The following NT5C1B variants were observed in gnomAD, a reference collection of about 807,000 sequenced individuals.
NT5C1B encodes the protein 5'-nucleotidase, cytosolic IB.
A neutral mutation model predicts 57.8 loss-of-function variants in NT5C1B; 44 were observed. The ratio of observed to expected loss-of-function variants is 0.76; its 90% CI spans 0.60 to 0.98. The LOEUF (loss-of-function observed/expected upper bound fraction) is 0.98, where lower values mean the gene tolerates loss of function less well. NT5C1B is among the 50% of genes least tolerant of loss of function. The probability of loss-of-function intolerance (pLI) is 0.00; values close to 1 mark genes in which losing one functional copy is unlikely to be tolerated. For missense variants in NT5C1B, 742 were observed against 719.5 expected (o/e 1.03, Z -0.36); for synonymous variants, 284 against 282.6 (o/e 1.00, Z -0.05).
chr2:18,584,670 G>A lies in NT5C1B; in HGVS notation c.567C>T (p.Arg189=), dbSNP rs953856391. The change falls in exon 4 of 9, where the codon CGC becomes CGT. Residue 189 remains arginine (R), a synonymous_variant. Transcript: ENST00000304081. The surrounding 1 kb of genome is among the most constrained non-coding windows in gnomAD (Gnocchi z 5.8). Reference sequence around the variant, plus strand: ...GGGTGGAGGCGGGGTAGATCCCCCTGCGCTGGCTGGAGGACTTCCACTCGG... The same window carrying A: ...GGGTGGAGGCGGGGTAGATCCCCCTACGCTGGCTGGAGGACTTCCACTCGG... 7 of 1,612,550 alleles carry A rather than the reference G, an allele frequency of 4.3e-6. No individual in the cohort carries two copies. The highest frequency in any genetic ancestry group is 1.1e-5 in the South Asian group (1 of 90,880).
At position 18,584,860 on chromosome 2, in the gene NT5C1B, G is replaced by T; in HGVS notation, c.377C>A (p.Pro126His). ...GGGAGGCCGCGAGTCCAGCGACCGG[G>T]GCAGCTGGGGCGACGCGGGTGGCTG... The change falls in exon 4 of 9, where the codon CCC becomes CAC. Residue 126 changes from proline to histidine, a missense_variant. Pro to His is a moderately conservative substitution (Grantham distance 77). Coordinates refer to ENST00000304081, the Ensembl canonical transcript of NT5C1B. This position sits in a 1 kb window ranked among gnomAD's most constrained non-coding sequence, Gnocchi z 5.8. The T allele has an allele frequency of 6.2e-7, 1 of 1,602,926 alleles. No homozygotes were observed. The highest frequency in any genetic ancestry group is 1.1e-5 in the South Asian group (1 of 90,414).
At position 18,584,743 on chromosome 2, in the gene NT5C1B, C is replaced by T. The variant is rs563389452; in HGVS notation, c.494G>A (p.Arg165His). The T allele has an allele frequency of 2.5e-6, 4 of 1,613,304 alleles. No homozygotes were observed. The highest frequency in any genetic ancestry group is 2.2e-5 in the East Asian group (1 of 44,844). ...CAGCGGCTGCGAGTCCCGGGTCTGG[C>T]GGATTTCCCGCACGATGCCTTGGGC... Residue 165 changes from arginine (R) to histidine (H), a missense_variant, in exon 4 of 9, where the codon CGC (arginine) becomes CAC (histidine). Arg to His is a conservative substitution (Grantham distance 29). Coordinates refer to ENST00000304081, the Ensembl canonical transcript of NT5C1B. This position sits in a 1 kb window ranked among gnomAD's most constrained non-coding sequence, Gnocchi z 5.8.
Position 18,584,538 on chromosome 2 carries a change from GTTC to G in NT5C1B, c.696_698del (p.Lys232del). 1.2e-6 allele frequency: 2 copies of G among 1,611,910 alleles called. No individual in the cohort carries two copies. Among genetic ancestry groups the G allele is most frequent in the South Asian group, 1.1e-5 (1 of 90,726 alleles). On this transcript the variant is annotated inframe_deletion, in exon 4 of 9. Transcript: ENST00000304081. The surrounding 1 kb of genome is among the most constrained non-coding windows in gnomAD (Gnocchi z 5.8). Reference sequence around the variant, plus strand: ...CCGGCCAGGGGCGCGAGCAGCTCGGGTTCTTCTCGTAGAACGACCTCATGGATG... The same window carrying G: ...CCGGCCAGGGGCGCGAGCAGCTCGGGTTCTCGTAGAACGACCTCATGGATG...
intron 6 of NT5C1B, among the ~76,000 whole-genome samples, chr2:18,577,381 G>A (rs770107091): frequency 4.8e-4 from 62 of 129,410 alleles, no homozygotes; most frequent in Non-Finnish European, 7.4e-4. Context: ...TCGAGATCGC[G>A]CCACTGCACT....
chr2:18,584,186 T>G lies in NT5C1B; in HGVS notation c.793A>C (p.Lys265Gln). 3 of 1,614,194 alleles carry G rather than the reference T, an allele frequency of 1.9e-6. No individual in the cohort carries two copies. In the Admixed American group the frequency reaches 5.0e-5, roughly 27 times the overall value. ...TCCAGACCCTCTTGCTCGTAGATTT[T>G]CCTGCCGTCCACCATGTTGAAGAGC... is the stretch of plus-strand genomic sequence containing the variant. Residue 265 changes from lysine to glutamine, a missense_variant, in exon 5 of 9, where the codon AAA (lysine) becomes CAA (glutamine). Transcript: ENST00000304081. This position sits in a 1 kb window ranked among gnomAD's most constrained non-coding sequence, Gnocchi z 5.8.
At position 18,584,001 on chromosome 2, in the gene NT5C1B, G is replaced by C. The variant is rs1479966010; in HGVS notation, c.891+87C>G. ...ACAAGGGTGGGCTAGGAATGATCTG[G>C]GAAATTGGATGCCCTCCCAAGGGTT... On this transcript the variant is annotated intron_variant, in intron 5 of 8. Coordinates refer to ENST00000304081, the Ensembl canonical transcript of NT5C1B. The surrounding 1 kb of genome is among the most constrained non-coding windows in gnomAD (Gnocchi z 5.8). 5 of 1,610,640 alleles carry C rather than the reference G, an allele frequency of 3.1e-6. No individual in the cohort carries two copies. The highest frequency in any genetic ancestry group is 4.5e-5 in the East Asian group (2 of 44,838).
rs1233128130 is a variant in NT5C1B at position 18,584,177 on chromosome 2, C to T, written c.802G>A (p.Glu268Lys). The T allele has an allele frequency of 6.2e-6, 10 of 1,613,984 alleles. No individual in the cohort carries two copies. Among genetic ancestry groups the T allele is most frequent in the Non-Finnish European group, 8.5e-6 (10 of 1,180,038 alleles). Residue 268 changes from glutamate to lysine, a missense_variant, in exon 5 of 9, where the codon GAG becomes AAG. By Grantham distance (56) the Glu-to-Lys change is moderately conservative. Transcript: ENST00000304081. The surrounding 1 kb of genome is among the most constrained non-coding windows in gnomAD (Gnocchi z 5.8). ...ATGTACTTTTCCAGACCCTCTTGCT[C>T]GTAGATTTTCCTGCCGTCCACCATG...
chr2:18,588,355 G>C (rs1485412920), intron 1 of NT5C1B, among the ~76,000 whole-genome samples: 1 of 152,166 alleles, frequency 6.6e-6, no homozygotes, highest in Non-Finnish European at 1.5e-5. Flanking sequence ...TATGTTTAAG[G>C]AGCACAACTT....
chr2:18,587,555 T>C, exon 2 of NT5C1B: 1 of 1,613,960 alleles, frequency 6.2e-7, no homozygotes, highest in Non-Finnish European at 8.5e-7. Context: ...TTTTTCTGCT[T>C]CTAGACTCTC....
At chr2:18,563,489 A>C (rs573358078) in exon 9 of NT5C1B, 1 of 215,826 alleles carries the variant, frequency 4.6e-6, no homozygotes, top group South Asian at 1.6e-4. Flanking sequence ...AAAACTAAGT[A>C]AGCTTCTAAA....
Position 18,563,786 on chromosome 2 carries a change from C to T in NT5C1B, c.*10G>A, listed in dbSNP as rs774658746. ...CCAGACTATCACCACTTTATTTCTC[C>T]TCCCTGCCCCTAACTACTGAATTTT... is the stretch of plus-strand genomic sequence containing the variant. On this transcript the variant is annotated 3_prime_UTR_variant, in exon 9 of 9. Coordinates refer to ENST00000304081, the Ensembl canonical transcript of NT5C1B. The T allele has an allele frequency of 6.6e-6, 10 of 1,510,222 alleles. No homozygotes were observed. The Admixed American group carries it at 1.9e-4, about 28-fold the overall frequency. The allele number at this position is 1,510,222 out of a possible 1,614,324, so 93.6% of individuals were successfully genotyped here.
At chr2:18,587,091 G>A in intron 2 of NT5C1B, 1 of 1,614,074 alleles carries the variant, frequency 6.2e-7, no homozygotes, top group Non-Finnish European at 8.5e-7. Flanking sequence ...TCCCTCAGCT[G>A]CACAAAGGCA....
chr2:18,586,496 G>A (rs997156302), intron 2 of NT5C1B, 105 bp from the exon 3 acceptor site: 4 of 1,511,076 alleles, frequency 2.6e-6, no homozygotes, highest in African/African-American at 2.8e-5. Context: ...GCAGCACCCA[G>A]TGAGAAGATC....
rs61742596 is a variant in NT5C1B at position 18,584,890 on chromosome 2, G to T, written c.347C>A (p.Ser116Ter). The T allele has an allele frequency of 0.047, 74,786 of 1,580,726 alleles. 2,456 individuals are homozygous for T. The highest frequency in any genetic ancestry group is 0.14 in the Admixed American group (8,210 of 56,644). The change falls in exon 4 of 9, where the codon TCG becomes TAG. Residue 116 changes from serine (S) to a stop codon, truncating the protein, a stop_gained. Coordinates refer to ENST00000304081, the Ensembl canonical transcript of NT5C1B. LOFTEE classifies it high-confidence loss of function. The surrounding 1 kb of genome is among the most constrained non-coding windows in gnomAD (Gnocchi z 5.8). ...CTGGGGCGACGCGGGTGGCTGGAGCGAGGGCTGCCCGGACAGCGGCGGCGG... is the reference window on the plus strand; with the variant it reads ...CTGGGGCGACGCGGGTGGCTGGAGCTAGGGCTGCCCGGACAGCGGCGGCGG...
rs771486607 is a variant in NT5C1B at position 18,584,953 on chromosome 2, C to A, written c.284G>T (p.Arg95Leu). ...CAGGCTTGGGGAGGTGGATGGAGTC[C>A]GGGAGCTCGTGGAGCTGCTGGGGAG... The change falls in exon 4 of 9, where the codon CGG becomes CTG. Residue 95 changes from arginine (R) to leucine (L), a missense_variant. Arg to Leu is a moderately radical substitution (Grantham distance 102). Transcript: ENST00000304081. The surrounding 1 kb of genome is among the most constrained non-coding windows in gnomAD (Gnocchi z 5.8). 13 of 1,539,732 alleles carry A rather than the reference C, an allele frequency of 8.4e-6. No homozygotes were observed. In the East Asian group the frequency reaches 2.7e-4, roughly 32 times the overall value.
chr2:18,584,554 G>A lies in NT5C1B; in HGVS notation c.683C>T (p.Ser228Leu), dbSNP rs1245875891. 1 of 1,612,524 alleles carries A rather than the reference G, an allele frequency of 6.2e-7. No homozygotes were observed. Among genetic ancestry groups the A allele is most frequent in the Admixed American group, 1.7e-5 (1 of 59,876 alleles). ...GCAGCTCGGGTTCTTCTCGTAGAAC[G>A]ACCTCATGGATGCCCAGTAGGCAGC... Residue 228 changes from serine to leucine, a missense_variant, in exon 4 of 9, where the codon TCG (serine) becomes TTG (leucine). Physicochemically the swap from Ser to Leu is moderately radical, Grantham distance 145 (BLOSUM62 -2). Transcript: ENST00000304081. The surrounding 1 kb of genome is among the most constrained non-coding windows in gnomAD (Gnocchi z 5.8).
intron 1 of NT5C1B, among the ~76,000 whole-genome samples, chr2:18,588,456 T>G (rs1666923027): frequency 6.6e-6 from 1 of 152,204 alleles, no homozygotes; most frequent in Non-Finnish European, 1.5e-5. Flanking sequence ...CAATGTTAGT[T>G]GCATGAGAAT....
intron 6 of NT5C1B, among the ~76,000 whole-genome samples, chr2:18,581,529 A>G (rs934653428): frequency 2.6e-5 from 4 of 152,128 alleles, no homozygotes; most frequent in Non-Finnish European, 4.4e-5. Context: ...TGTATGGACC[A>G]AGAGAGTAGG....
chr2:18,563,773 C>T lies in NT5C1B; in HGVS notation c.*23G>A, dbSNP rs199969629. 2.5e-4 allele frequency: 367 copies of T among 1,497,490 alleles called. No individual in the cohort carries two copies. In the East Asian group the frequency reaches 6.8e-3, roughly 28 times the overall value. The allele number at this position is 1,497,490 out of a possible 1,614,324, so 92.8% of individuals were successfully genotyped here. On this transcript the variant is annotated 3_prime_UTR_variant, in exon 9 of 9. Coordinates refer to ENST00000304081, the Ensembl canonical transcript of NT5C1B. ...GGCTTCTGTAACACCAGACTATCAC[C>T]ACTTTATTTCTCCTCCCTGCCCCTA...
Sources: gnomAD v4.1 joint callset for allele counts (sites outside exome capture counted in the v4.1 genomes callset) on GRCh38, gnomAD v4.1.1 for gene constraint, Gnocchi (gnomAD v3.1) non-coding constraint, MANE v1.5 for transcripts, NCBI Gene and HGNC (gene_info 2026-07-23, HGNC 2026-07-21) for gene names.